The following CEP78 variants were observed in gnomAD, a reference collection of about 807,000 sequenced individuals.
CEP78 encodes the protein centrosomal protein 78, also known as centrosomal protein of 78 kDa.
In CEP78, 76 loss-of-function variants were observed where a neutral mutation model predicts 81.2. The ratio of observed to expected loss-of-function variants is 0.94; its 90% CI spans 0.78 to 1.13. CEP78 has a LOEUF of 1.13. Ranked by LOEUF, CEP78 falls within the 50% of genes most tolerant of loss-of-function variation. CEP78 has a pLI of 0.00. For synonymous variants in CEP78, 293 were observed against 301.4 expected (o/e 0.97, Z 0.29); for missense variants, 918 against 846.8 (o/e 1.08, Z -1.04).
intron 11 of CEP78, among the ~76,000 whole-genome samples, chr9:78,258,937 A>G (rs1430693734): frequency 6.6e-6 from 1 of 152,196 alleles, no homozygotes; most frequent in Non-Finnish European, 1.5e-5. Flanking sequence ...CTACTTTGGA[A>G]AGCGTTTAGC....
chr9:78,236,424 T>C lies in CEP78; in HGVS notation c.74T>C (p.Leu25Pro), dbSNP rs1825935987. ...FFSHYEYLCALQNSVPLPAVR... is the reference protein window; with the variant it reads ...FFSHYEYLCAPQNSVPLPAVR... Reference sequence around the variant, plus strand: ...TCCCACTACGAGTACCTGTGCGCGCTGCAGAACTCGGTGCCGCTGCCCGCC... The same window carrying C: ...TCCCACTACGAGTACCTGTGCGCGCCGCAGAACTCGGTGCCGCTGCCCGCC... The change falls in exon 1 of 17, where the codon CTG (leucine) becomes CCG (proline). Residue 25 changes from leucine to proline, a missense_variant. Physicochemically the swap from Leu to Pro is moderately conservative, Grantham distance 98 (BLOSUM62 -3). Coordinates refer to ENST00000643273, the MANE Select transcript of CEP78 (RefSeq NM_001330691.3). 1.2e-6 allele frequency: 2 copies of C among 1,601,490 alleles called. No homozygotes were observed. Among genetic ancestry groups the C allele is most frequent in the Admixed American group, 1.7e-5 (1 of 58,566 alleles).
At chr9:78,261,149 C>G (rs1245519038) in intron 11 of CEP78, among the ~76,000 whole-genome samples, 1 of 152,058 alleles carries the variant, frequency 6.6e-6, no homozygotes, top group Non-Finnish European at 1.5e-5. Context: ...CGGGGTTTCA[C>G]CATGTTGGCC....
intron 13 of CEP78, among the ~76,000 whole-genome samples, chr9:78,265,020 A>G (rs1239628721): frequency 6.6e-6 from 1 of 152,178 alleles, no homozygotes; most frequent in Non-Finnish European, 1.5e-5. Context: ...AAGGTGGTAT[A>G]GATGTGTGGG....
In CEP78 at chr9:78,264,298, A is replaced by C. The variant is rs372055425; in HGVS notation, c.1607A>C (p.Asp536Ala). 2.7e-5 allele frequency: 43 copies of C among 1,613,214 alleles called. No homozygotes were observed. In the African/African-American group the frequency reaches 5.3e-4, roughly 20 times the overall value. ...NSFQKFHAFL[D>A]LLKDAGLGQL... ...TTTCAGAAGTTTCATGCTTTCTTGG[A>C]TCTCCTTAAAGATGCTGGGTTAGTT... The change falls in exon 13 of 17, where the codon GAT becomes GCT. Residue 536 changes from aspartate (D) to alanine (A), a missense_variant. By Grantham distance (126) the Asp-to-Ala change is moderately radical. Coordinates refer to ENST00000643273, the MANE Select transcript of CEP78 (RefSeq NM_001330691.3).
intron 11 of CEP78, among the ~76,000 whole-genome samples, chr9:78,258,978 G>A (rs920424100): frequency 6.6e-6 from 1 of 152,112 alleles, no homozygotes; most frequent in African/African-American, 2.4e-5. Context: ...ATATAAATAC[G>A]TTGGGACCCA....
chr9:78,263,990 G>A (rs1448201990), intron 12 of CEP78, 160 bp from the exon 13 acceptor site: 2 of 423,506 alleles, frequency 4.7e-6, no homozygotes, highest in Non-Finnish European at 8.1e-6. Context: ...GTTATCTCCA[G>A]GTTTTGATTG....
At position 78,236,435 on chromosome 9, in the gene CEP78, G is replaced by C. The variant is rs1251191692; in HGVS notation, c.85G>C (p.Val29Leu). The C allele has an allele frequency of 1.2e-6, 2 of 1,602,244 alleles. No individual in the cohort carries two copies. Among genetic ancestry groups the C allele is most frequent in the Non-Finnish European group, 1.7e-6 (2 of 1,174,760 alleles). ...GTACCTGTGCGCGCTGCAGAACTCG[G>C]TGCCGCTGCCCGCCGTGCGCGCCTG... ...YEYLCALQNSVPLPAVRACLR... is the reference protein window; with the variant it reads ...YEYLCALQNSLPLPAVRACLR... The change falls in exon 1 of 17, where the codon GTG becomes CTG. Residue 29 changes from valine to leucine, a missense_variant. Coordinates refer to ENST00000643273, the MANE Select transcript of CEP78 (RefSeq NM_001330691.3).
intron 7 of CEP78, 66 bp downstream of exon 7, chr9:78,248,421 G>T: frequency 2.9e-6 from 3 of 1,044,254 alleles, no homozygotes; most frequent in Non-Finnish European, 4.5e-6. Context: ...GGATCTCACT[G>T]TACTGCCCAG....
chr9:78,267,632 C>T (rs1827595276), intron 16 of CEP78, among the ~76,000 whole-genome samples: 1 of 152,104 alleles, frequency 6.6e-6, no homozygotes, highest in East Asian at 1.9e-4. Flanking sequence ...AGAACCCATA[C>T]TTTAATGAGC....
Position 78,236,091 on chromosome 9 carries a change from C to T in CEP78, c.-260C>T. 5.9e-6 allele frequency: 3 copies of T among 504,362 alleles called. No individual in the cohort carries two copies. Among genetic ancestry groups the T allele is most frequent in the Non-Finnish European group, 7.0e-6 (2 of 285,972 alleles). 31.2% of individuals were successfully genotyped at this position (504,362 alleles called of 1,614,324 possible). On this transcript the variant is annotated 5_prime_UTR_variant, in exon 1 of 17. Coordinates refer to ENST00000643273, the MANE Select transcript of CEP78 (RefSeq NM_001330691.3). Reference sequence around the variant, plus strand: ...CCGCCCACCGGCTTGAATCCCGGCGCCTCAGAGGACTATGAGGCGGGCGCC... The same window carrying T: ...CCGCCCACCGGCTTGAATCCCGGCGTCTCAGAGGACTATGAGGCGGGCGCC...
Position 78,243,450 on chromosome 9 carries a change from A to G in CEP78, c.604-12A>G. The G allele has an allele frequency of 1.2e-6, 2 of 1,607,118 alleles. No individual in the cohort carries two copies. Among genetic ancestry groups the G allele is most frequent in the Non-Finnish European group, 1.7e-6 (2 of 1,176,434 alleles). On this transcript the variant is annotated splice_polypyrimidine_tract_variant and intron_variant, in intron 4 of 16. Coordinates refer to ENST00000643273, the MANE Select transcript of CEP78 (RefSeq NM_001330691.3). ...CCAAGTGTATTAATTTCATCTTATT[A>G]AATCTTTGAAGTATCAGACCATGAG... is the stretch of plus-strand genomic sequence containing the variant.
chr9:78,269,863 A>G (rs1272610966), intron 16 of CEP78, among the ~76,000 whole-genome samples: 1 of 152,220 alleles, frequency 6.6e-6, no homozygotes, highest in Non-Finnish European at 1.5e-5. Flanking sequence ...CCAAGTAAAG[A>G]AGGAGAGGCT....
intron 13 of CEP78, 132 bp from the exon 14 acceptor site, chr9:78,265,240 T>C: frequency 1.6e-6 from 1 of 639,464 alleles, no homozygotes. Flanking sequence ...GGGATGGGGG[T>C]GTAGTCTGGA....
intron 13 of CEP78, 108 bp from the exon 14 acceptor site, chr9:78,265,264 T>C (rs924122997): frequency 8.8e-5 from 80 of 905,334 alleles, no homozygotes; most frequent in Middle Eastern, 3.4e-4. Context: ...GGATAATGGG[T>C]TTTAAGATTT....
intron 5 of CEP78, among the ~76,000 whole-genome samples, chr9:78,243,858 A>G (rs1245336164): frequency 6.6e-6 from 1 of 151,480 alleles, no homozygotes; most frequent in Non-Finnish European, 1.5e-5. Flanking sequence ...ATGCCTAGAG[A>G]TAAACTGTTC....
chr9:78,244,079 T>C (rs1002097186), intron 5 of CEP78, among the ~76,000 whole-genome samples: 2 of 151,324 alleles, frequency 1.3e-5, no homozygotes, highest in Admixed American at 6.6e-5. Context: ...TCCCCTGTTA[T>C]AAACAACTCT....
At chr9:78,262,746 C>A (rs946451296) in intron 11 of CEP78, among the ~76,000 whole-genome samples, 161 bp from the exon 12 acceptor site, 5 of 151,862 alleles carry the variant, frequency 3.3e-5, no homozygotes, top group Admixed American at 1.3e-4. Flanking sequence ...AATTAATTTC[C>A]CTAGCATGGT....
rs375569426 is a variant in CEP78, at chr9:78,240,062, C to G, written c.293C>G (p.Ala98Gly). The G allele has an allele frequency of 8.2e-6, 13 of 1,583,010 alleles. No homozygotes were observed. The highest frequency in any genetic ancestry group is 2.8e-5 in the African/African-American group (2 of 72,634). ...AAATTTTGCAGAAGTCGTGTTCCTG[C>G]GATAAGATACAAAGATGTGACCTTC... Reference protein sequence around the residue: ...MNKFCRSRVPAIRYKDVTFQL... With the variant: ...MNKFCRSRVPGIRYKDVTFQL... Residue 98 changes from alanine to glycine, a missense_variant, in exon 2 of 17, where the codon GCG becomes GGG. Ala to Gly is a moderately conservative substitution (Grantham distance 60, BLOSUM62 0). Coordinates refer to ENST00000643273, the MANE Select transcript of CEP78 (RefSeq NM_001330691.3).
intron 10 of CEP78, chr9:78,254,348 C>T (rs921588122): frequency 2.0e-5 from 3 of 152,028 alleles, no homozygotes; most frequent in African/African-American, 7.3e-5. Context: ...GATTACAGGC[C>T]ATTCTAGTGT....
Sources: allele counts gnomAD v4.1 joint callset (sites outside exome capture counted in the v4.1 genomes callset), GRCh38; gene constraint gnomAD v4.1.1; transcripts MANE v1.5; gene names NCBI Gene and HGNC (gene_info 2026-07-23, HGNC 2026-07-21).